Variants in CCDC171 observed in about 807,000 individuals in gnomAD.
The protein encoded by CCDC171 is coiled-coil domain-containing protein 171.
In CCDC171, 177 loss-of-function variants were observed where a neutral mutation model predicts 168.2. The observed-to-expected ratio is 1.05, with a 90% CI of 0.93 to 1.19. CCDC171 has a LOEUF of 1.19. Among genes scored for constraint, CCDC171 ranks in the 50% most tolerant of loss-of-function variants. The pLI, the probability that CCDC171 is intolerant of heterozygous loss-of-function variation, is 0.00. For missense variants in CCDC171, 1,991 were observed against 1,539.0 expected (o/e 1.29, Z -4.91); for synonymous variants, 687 against 540.8 (o/e 1.27, Z -3.75).
intron 6 of CCDC171, among the ~76,000 whole-genome samples, chr9:16,030,700 G>A (rs1358367403): frequency 6.6e-6 from 1 of 152,190 alleles, no homozygotes; most frequent in Admixed American, 6.5e-5. Context: ...TGTGACCACA[G>A]AATGCAGAGG....
At chr9:15,802,991 AT>A (rs1164970950) in intron 21 of CCDC171, among the ~76,000 whole-genome samples, 3 of 152,044 alleles carry the variant, frequency 2.0e-5, no homozygotes, top group Non-Finnish European at 4.4e-5. Context: ...TTTGATTTGC[AT>A]TTCTCTAATG....
chr9:15,761,905 A>G (rs1278091745), intron 18 of CCDC171, among the ~76,000 whole-genome samples: 1 of 152,172 alleles, frequency 6.6e-6, no homozygotes, highest in African/African-American at 2.4e-5. Flanking sequence ...CAGTGAACAG[A>G]TATTTTGTAT....
chr9:15,964,610 C>T (rs1413111332), intron 25 of CCDC171, among the ~76,000 whole-genome samples: 1 of 151,978 alleles, frequency 6.6e-6, no homozygotes, highest in Non-Finnish European at 1.5e-5. Flanking sequence ...ACAAAAGCCA[C>T]CTGGGAGAAT....
chr9:15,832,911 C>G (rs1383965996), intron 21 of CCDC171, among the ~76,000 whole-genome samples: 1 of 151,450 alleles, frequency 6.6e-6, no homozygotes, highest in Non-Finnish European at 1.5e-5. Context: ...ACGCGTTAGC[C>G]TAGCTCTACA....
At chr9:15,829,640 C>G (rs2136218867) in intron 21 of CCDC171, among the ~76,000 whole-genome samples, 1 of 152,246 alleles carries the variant, frequency 6.6e-6, no homozygotes, top group South Asian at 2.1e-4. Flanking sequence ...ACTATGTAGG[C>G]TGGGCATGGT....
At chr9:15,921,311 CT>C (rs1455739217) in intron 25 of CCDC171, among the ~76,000 whole-genome samples, 1 of 151,614 alleles carries the variant, frequency 6.6e-6, no homozygotes, top group Non-Finnish European at 1.5e-5. Context: ...CAAATAAATC[CT>C]TTGTAACCAG....
chr9:15,617,601 G>C (rs199772166), intron 6 of CCDC171, among the ~76,000 whole-genome samples: 1 of 151,938 alleles, frequency 6.6e-6, no homozygotes, highest in Non-Finnish European at 1.5e-5. Context: ...TAGTCTTGAT[G>C]TCCTGACCTC....
At chr9:15,793,670 G>A (rs372919333) in intron 21 of CCDC171, among the ~76,000 whole-genome samples, 11 of 142,562 alleles carry the variant, frequency 7.7e-5, no homozygotes, top group African/African-American at 2.6e-4. Context: ...CTTCCTCAGC[G>A]TCCCAGGTAG....
At chr9:16,053,195 A>G (rs1833779846) in intron 1 of CCDC171, among the ~76,000 whole-genome samples, 1 of 152,262 alleles carries the variant, frequency 6.6e-6, no homozygotes, top group Non-Finnish European at 1.5e-5. Flanking sequence ...CACTCTAGAC[A>G]GATGAGGAAC....
the CCDC171 span, among the ~76,000 whole-genome samples, chr9:16,103,538 A>T: frequency 6.6e-6 from 1 of 152,246 alleles, no homozygotes; most frequent in African/African-American, 2.4e-5. Flanking sequence ...CATCTGCAGG[A>T]GGCCTCATTT....
At chr9:15,600,965 G>A (rs944556286) in intron 6 of CCDC171, among the ~76,000 whole-genome samples, 3 of 152,186 alleles carry the variant, frequency 2.0e-5, no homozygotes, top group Non-Finnish European at 4.4e-5. Context: ...CTGGTGTGCC[G>A]TTTGCTAAGA....
Position 15,929,966 on chromosome 9 carries a change from G to A in CCDC171, c.3753+9544G>A, listed in dbSNP as rs569305393. On this transcript the variant is annotated intron_variant, in intron 25 of 25. Coordinates refer to ENST00000380701, the MANE Select transcript of CCDC171 (RefSeq NM_173550.4). Reference sequence around the variant, plus strand: ...TGGCAGAAGAAGTAAGAGTTCCTTTGTTCTGATCGTTTGTCACTGTATTTA... The same window carrying A: ...TGGCAGAAGAAGTAAGAGTTCCTTTATTCTGATCGTTTGTCACTGTATTTA... Among the ~76,000 whole-genome samples, 187 of 151,646 alleles carry A rather than the reference G, an allele frequency of 1.2e-3. 1 individual carries two copies. In the South Asian group the frequency reaches 0.014, roughly 11 times the overall value.
chr9:15,885,757 C>G (rs1819311721), intron 24 of CCDC171: 1 of 152,134 alleles, frequency 6.6e-6, no homozygotes, highest in Non-Finnish European at 1.5e-5. Context: ...TTCTGCATGA[C>G]AACTTAAGTG....
chr9:15,987,842 T>C (rs369374773), intron 3 of CCDC171, among the ~76,000 whole-genome samples: 98 of 152,356 alleles, frequency 6.4e-4, no homozygotes, highest in African/African-American at 2.3e-3. Context: ...AATTCATTTA[T>C]GTTTCATATA....
intron 21 of CCDC171, among the ~76,000 whole-genome samples, chr9:15,801,349 C>T (rs541181666): frequency 1.3e-5 from 2 of 151,726 alleles, no homozygotes; most frequent in South Asian, 4.2e-4. Flanking sequence ...AAGTTAATTC[C>T]TAGGCATTTT....
chr9:15,623,473 G>GCACACACACACACACA lies in CCDC171; in HGVS notation c.822+61_822+62insACACACACACACACAC, dbSNP rs1310330705. On this transcript the variant is annotated intron_variant, in intron 7 of 25. Coordinates refer to ENST00000380701, the MANE Select transcript of CCDC171 (RefSeq NM_173550.4). ...TACAAACTTTCACATATGCGCGCGCGCGCACACACACACACACACACACAC... is the reference window on the plus strand; with the variant it reads ...TACAAACTTTCACATATGCGCGCGCGCACACACACACACACACGCACACACACACACACACACACAC... The GCACACACACACACACA allele has an allele frequency of 1.1e-3, 493 of 464,480 alleles. 2 individuals are homozygous for GCACACACACACACACA. The highest frequency in any genetic ancestry group is 4.9e-3 in the African/African-American group (137 of 27,876). The allele number at this position is 464,480 out of a possible 1,614,324, so 28.8% of individuals were successfully genotyped here.
chr9:16,080,314 G>A, the CCDC171 span, among the ~76,000 whole-genome samples: 1 of 152,108 alleles, frequency 6.6e-6, no homozygotes, highest in Non-Finnish European at 1.5e-5. Context: ...TTTTCCCCCA[G>A]TATGTTAGGG....
intron 10 of CCDC171, among the ~76,000 whole-genome samples, chr9:15,683,220 G>A (rs2050155909): frequency 6.6e-6 from 1 of 151,874 alleles, no homozygotes; most frequent in Non-Finnish European, 1.5e-5. Context: ...GATTGAAAAT[G>A]GTCAAGTGTA....
chr9:15,795,034 C>T (rs1352630906), intron 21 of CCDC171, among the ~76,000 whole-genome samples: 1 of 152,174 alleles, frequency 6.6e-6, no homozygotes, highest in African/African-American at 2.4e-5. Context: ...TTTTGTGTTG[C>T]TATGACAAAA....
Sources: gnomAD v4.1 joint callset for allele counts (sites outside exome capture counted in the v4.1 genomes callset) on GRCh38, gnomAD v4.1.1 for gene constraint, MANE v1.5 for transcripts, NCBI Gene and HGNC (gene_info 2026-07-23, HGNC 2026-07-21) for gene names.